DENND1A: variants seen among roughly 807,000 people sequenced by gnomAD.
The protein encoded by DENND1A is DENN domain-containing protein 1A.
In DENND1A, 51 loss-of-function variants were observed where a neutral mutation model predicts 113.7. The ratio of observed to expected loss-of-function variants is 0.45; its 90% CI spans 0.36 to 0.57. The LOEUF is 0.57. DENND1A is among the 20% of genes least tolerant of loss of function. DENND1A has a pLI of 0.00. For synonymous variants in DENND1A, 565 were observed against 570.8 expected, an observed-to-expected ratio of 0.99 and a Z score of 0.14; for missense variants, 1,258 against 1,395.9, an observed-to-expected ratio of 0.90 and a Z score of 1.57.
intron 2 of DENND1A, among the ~76,000 whole-genome samples, chr9:123,818,250 G>T (rs1319712696): frequency 1.3e-5 from 2 of 151,162 alleles, no homozygotes; most frequent in South Asian, 2.1e-4. Flanking sequence ...GACTACAGGC[G>T]CCTGCCACCA....
At chr9:123,451,967 G>A (rs186830018) in intron 17 of DENND1A, among the ~76,000 whole-genome samples, 1 of 150,900 alleles carries the variant, frequency 6.6e-6, no homozygotes, top group Admixed American at 6.6e-5. Context: ...GGAGGCCGAG[G>A]CAGGAGGATT....
chr9:123,869,306 G>A (rs930063801), intron 2 of DENND1A, among the ~76,000 whole-genome samples: 2 of 152,128 alleles, frequency 1.3e-5, no homozygotes, highest in Non-Finnish European at 2.9e-5. Flanking sequence ...TAATCTCTGC[G>A]CTCATGGAGC....
chr9:123,919,118 G>GT (rs993828695), intron 1 of DENND1A, among the ~76,000 whole-genome samples: 38 of 151,984 alleles, frequency 2.5e-4, no homozygotes, highest in Non-Finnish European at 4.1e-4. Flanking sequence ...CGAATCCACC[G>GT]TTTTTTTTAA....
At chr9:123,395,468 C>CTCTGTGTGTGTGTGTGTGTGTG (rs367751848) in intron 21 of DENND1A, among the ~76,000 whole-genome samples, 75 of 142,984 alleles carry the variant, frequency 5.2e-4, no homozygotes, top group Middle Eastern at 3.5e-3. Flanking sequence ...CTCTCTCTCT[C>CTCTGTGTGTGTGTGTGTGTGTG]TGTGTGTGTG....
chr9:123,648,790 A>C (rs2062479504), intron 9 of DENND1A, among the ~76,000 whole-genome samples: 2 of 152,110 alleles, frequency 1.3e-5, no homozygotes, highest in African/African-American at 4.8e-5. Context: ...TTCTTGATCC[A>C]TTTGGAATTT....
chr9:123,882,322 CAAAA>C (rs59820553), intron 1 of DENND1A, among the ~76,000 whole-genome samples: 4 of 124,396 alleles, frequency 3.2e-5, no homozygotes, highest in African/African-American at 1.1e-4. Flanking sequence ...AACCTTGTTT[CAAAA>C]AAAAAAAAAA....
At chr9:123,599,369 C>T (rs1187988716) in intron 11 of DENND1A, among the ~76,000 whole-genome samples, 1 of 152,000 alleles carries the variant, frequency 6.6e-6, no homozygotes, top group Non-Finnish European at 1.5e-5. Context: ...ATTAGTTTAG[C>T]AGGGGGGAAA....
rs576894353 is a variant in DENND1A, at chr9:123,706,830, T to G, written c.303-30041A>C. On this transcript the variant is annotated intron_variant, in intron 5 of 23. Transcript: ENST00000394215. ...GGGTCAAAAACAACTCCAAGGTTTTTGGCATTATCAAATGGAAAAAAATAG... is the reference window on the plus strand; with the variant it reads ...GGGTCAAAAACAACTCCAAGGTTTTGGGCATTATCAAATGGAAAAAAATAG... Among the ~76,000 whole-genome samples, 153 of 151,018 alleles carry G rather than the reference T, an allele frequency of 1.0e-3. 1 individual carries two copies. The highest frequency in any genetic ancestry group is 3.6e-3 in the African/African-American group (147 of 41,088).
chr9:123,882,891 C>A (rs908276417), intron 1 of DENND1A, among the ~76,000 whole-genome samples: 11 of 152,142 alleles, frequency 7.2e-5, no homozygotes, highest in Admixed American at 7.2e-4. Context: ...ACAATTTAAA[C>A]AAACAAAACA....
chr9:123,833,154 C>G (rs373683741), intron 2 of DENND1A, among the ~76,000 whole-genome samples: 28 of 93,388 alleles, frequency 3.0e-4, no homozygotes, highest in African/African-American at 1.1e-3. Flanking sequence ...AAAAAGGAAA[C>G]GAAAGAAAAA....
chr9:123,793,021 TG>T (rs1362722481), intron 2 of DENND1A, among the ~76,000 whole-genome samples: 1 of 152,188 alleles, frequency 6.6e-6, no homozygotes, highest in African/African-American at 2.4e-5. Context: ...CCTTAAGCAC[TG>T]GTTTCAGACT....
rs980485923 is a variant in DENND1A, at chr9:123,856,656, A to G, written c.88+22295T>C. ...ACATGGCAGCCATGCACGGGGTGTC[A>G]AAATTCAAAGTGAAGAGAGCACCCA... On this transcript the variant is annotated intron_variant, in intron 2 of 23. Transcript: ENST00000394215. Among the ~76,000 whole-genome samples, 3 of 152,226 alleles carry G rather than the reference A, an allele frequency of 2.0e-5. No homozygotes were observed. The East Asian group carries it at 5.8e-4, about 29-fold the overall frequency.
chr9:123,437,500 C>A (rs1024100863), intron 19 of DENND1A: 16 of 152,230 alleles, frequency 1.1e-4, no homozygotes, highest in African/African-American at 3.9e-4. Flanking sequence ...CAAGCTAAAT[C>A]TTCTTAAATA....
intron 3 of DENND1A, among the ~76,000 whole-genome samples, chr9:123,789,063 T>G (rs568503698): frequency 7.9e-6 from 1 of 126,268 alleles, no homozygotes; most frequent in East Asian, 2.1e-4. Context: ...TTTTGCCTTG[T>G]TTTTTTTTTT....
intron 1 of DENND1A, among the ~76,000 whole-genome samples, chr9:123,923,879 T>A (rs573273603): frequency 3.9e-5 from 6 of 152,280 alleles, no homozygotes; most frequent in Admixed American, 2.6e-4. Context: ...TTTTAACAGT[T>A]TCTCAAAATG....
intron 11 of DENND1A, among the ~76,000 whole-genome samples, chr9:123,592,982 T>TA (rs2059528914): frequency 6.6e-6 from 1 of 152,242 alleles, no homozygotes; most frequent in African/African-American, 2.4e-5. Flanking sequence ...GTTATTATTA[T>TA]AAAAAATCAA....
chr9:123,666,915 C>A, intron 8 of DENND1A, 111 bp downstream of exon 8: 1 of 1,086,828 alleles, frequency 9.2e-7, no homozygotes, highest in South Asian at 2.0e-5. Flanking sequence ...TTTTTAAAAA[C>A]CATAATTTTT....
At chr9:123,850,848 C>G (rs1248488336) in intron 2 of DENND1A, among the ~76,000 whole-genome samples, 1 of 151,782 alleles carries the variant, frequency 6.6e-6, no homozygotes, top group Non-Finnish European at 1.5e-5. Context: ...GTTAAAGGCA[C>G]AGAAATAGTA....
At chr9:123,534,355 A>C (rs1169891975) in intron 13 of DENND1A, among the ~76,000 whole-genome samples, 2 of 152,228 alleles carry the variant, frequency 1.3e-5, no homozygotes, top group Admixed American at 1.3e-4. Flanking sequence ...TATGCTTCTA[A>C]GATACATTCA....
Sources: allele counts gnomAD v4.1 joint callset (sites outside exome capture counted in the v4.1 genomes callset), GRCh38; gene constraint gnomAD v4.1.1; transcripts MANE v1.5; gene names NCBI Gene and HGNC (gene_info 2026-07-23, HGNC 2026-07-21).